POC5: variants seen among roughly 807,000 people sequenced by gnomAD.
The protein encoded by POC5 is POC5 centriolar protein.
POC5 carries 48 observed loss-of-function variants against 62.9 expected under a neutral mutation model. The ratio of observed to expected loss-of-function variants is 0.76; its 90% CI spans 0.61 to 0.97. The LOEUF (loss-of-function observed/expected upper bound fraction) is 0.97, where lower values mean the gene tolerates loss of function less well. POC5 is among the 50% of genes least tolerant of loss of function. The pLI, the probability that POC5 is intolerant of heterozygous loss-of-function variation, is 0.00. For missense variants in POC5, 696 were observed against 679.5 expected, an observed-to-expected ratio of 1.02 and a Z score of -0.27; for synonymous variants, 236 against 228.2, an observed-to-expected ratio of 1.03 and a Z score of -0.31.
At chr5:75,714,445 G>T (rs1390582278) in intron 1 of POC5, among the ~76,000 whole-genome samples, 1 of 152,206 alleles carries the variant, frequency 6.6e-6, no homozygotes, top group Non-Finnish European at 1.5e-5. Flanking sequence ...TGTTCTCTTT[G>T]ATAGTAATTA....
chr5:75,686,870 T>G (rs1278308518), intron 9 of POC5, among the ~76,000 whole-genome samples: 2 of 152,102 alleles, frequency 1.3e-5, no homozygotes, highest in Non-Finnish European at 2.9e-5. Context: ...AACTTCTTCA[T>G]AAAAACCTCT....
At chr5:75,681,658 ATTATT>A (rs1476590349) in intron 10 of POC5, among the ~76,000 whole-genome samples, 1 of 150,868 alleles carries the variant, frequency 6.6e-6, no homozygotes, top group Non-Finnish European at 1.5e-5. Flanking sequence ...AAAATAAGAT[ATTATT>A]TTATTAGCAT....
chr5:75,708,585 A>G (rs1777217833), intron 2 of POC5, among the ~76,000 whole-genome samples: 1 of 152,142 alleles, frequency 6.6e-6, no homozygotes, highest in South Asian at 2.1e-4. Context: ...TTACCCCCCA[A>G]TTTCAAATGT....
At chr5:75,704,981 C>T (rs7721611) in intron 4 of POC5, among the ~76,000 whole-genome samples, 7,515 of 152,296 alleles carry the variant, frequency 0.049, 642 homozygotes, top group African/African-American at 0.17. Flanking sequence ...AAGTGGATCA[C>T]TTGATCTTAG....
chr5:75,694,056 T>C (rs757845812), intron 6 of POC5, among the ~76,000 whole-genome samples: 1 of 152,162 alleles, frequency 6.6e-6, no homozygotes, highest in East Asian at 1.9e-4. Flanking sequence ...GCACTTGCAG[T>C]CCCTGGCAGG....
Position 75,683,137 on chromosome 5 carries a change from A to G in POC5, c.1407+2070T>C, listed in dbSNP as rs147459693. ...ATGTAAGTGGTTAGGAGTTGGGGAG[A>G]AGAGGAAGACAAGCAAATCAGAATC... On this transcript the variant is annotated intron_variant, in intron 10 of 11. Coordinates refer to ENST00000428202, the MANE Select transcript of POC5 (RefSeq NM_001099271.2). Among the ~76,000 whole-genome samples the G allele has an allele frequency of 4.8e-3, 730 of 152,220 alleles. 7 individuals carry two copies. Among genetic ancestry groups the G allele is most frequent in the African/African-American group, 0.016 (645 of 41,536 alleles).
chr5:75,700,438 TG>T (rs1776820023), intron 5 of POC5, among the ~76,000 whole-genome samples: 1 of 152,024 alleles, frequency 6.6e-6, no homozygotes, highest in African/African-American at 2.4e-5. Context: ...ATCTGATCTT[TG>T]ACAAACCTGA....
At chr5:75,696,802 T>C (rs539215388) in intron 5 of POC5, among the ~76,000 whole-genome samples, 51 of 151,726 alleles carry the variant, frequency 3.4e-4, no homozygotes, top group Admixed American at 7.2e-4. Flanking sequence ...AGTTGAAAAC[T>C]TTGAAAAAAA....
intron 5 of POC5, among the ~76,000 whole-genome samples, chr5:75,699,943 A>C (rs1776794603): frequency 6.6e-6 from 1 of 151,980 alleles, no homozygotes; most frequent in Non-Finnish European, 1.5e-5. Context: ...CAGAGAGCCA[A>C]ATCATGAGTG....
Position 75,692,302 on chromosome 5 carries a change from T to G in POC5, c.795+94A>C. ...GGAACATTAAATCACAAATTCATTT[T>G]GACTTATTAGAAAACAACTATAATA... On this transcript the variant is annotated intron_variant, in intron 7 of 11. Transcript: ENST00000428202. 3 of 821,866 alleles carry G rather than the reference T, an allele frequency of 3.7e-6. No homozygotes were observed. In the Middle Eastern group the frequency reaches 7.5e-4, roughly 204 times the overall value. 50.9% of individuals were successfully genotyped at this position (821,866 alleles called of 1,614,324 possible).
intron 5 of POC5, among the ~76,000 whole-genome samples, chr5:75,697,505 TGA>T (rs1776658011): frequency 6.6e-6 from 1 of 151,880 alleles, no homozygotes; most frequent in Non-Finnish European, 1.5e-5. Context: ...CAAGCAAAGC[TGA>T]GAGATTTTGT....
chr5:75,694,324 CA>C (rs1207337473), intron 6 of POC5, among the ~76,000 whole-genome samples: 5 of 152,146 alleles, frequency 3.3e-5, no homozygotes, highest in Non-Finnish European at 7.4e-5. Flanking sequence ...AGTGTACTTA[CA>C]TTTAGCACAT....
In POC5 at chr5:75,703,780, T is replaced by C. The variant is rs571048794; in HGVS notation, c.308-970A>G. On this transcript the variant is annotated intron_variant, in intron 4 of 11. Transcript: ENST00000428202. ...ACATCTCTATATGTATGTGCATATA[T>C]ATAAAACGCTCATCCCCTGCCCATA... 3.7e-4 allele frequency among the ~76,000 whole-genome samples: 56 copies of C among 152,224 alleles called. No individual in the cohort carries two copies. In the South Asian group the frequency reaches 0.011, roughly 31 times the overall value.
intron 1 of POC5, among the ~76,000 whole-genome samples, chr5:75,714,326 G>A (rs1777465882): frequency 6.6e-6 from 1 of 152,098 alleles, no homozygotes; most frequent in Admixed American, 6.5e-5. Context: ...AGGCTGCAGT[G>A]AGCCAAGATC....
chr5:75,712,403 G>C (rs1365805700), intron 2 of POC5: 1 of 1,612,258 alleles, frequency 6.2e-7, no homozygotes, highest in Non-Finnish European at 8.5e-7. Context: ...TCAATGTCCA[G>C]GTCCTGGGCA....
intron 1 of POC5, among the ~76,000 whole-genome samples, chr5:75,715,034 C>T (rs749693847): frequency 2.0e-5 from 3 of 151,954 alleles, no homozygotes; most frequent in African/African-American, 4.8e-5. Context: ...CTGCCCAGGC[C>T]GGGCACGGTG....
At position 75,712,828 on chromosome 5, in the gene POC5, T is replaced by C. The variant is rs777286930; in HGVS notation, c.84+26A>G. 3.9e-6 allele frequency: 6 copies of C among 1,524,858 alleles called. No homozygotes were observed. The South Asian group carries it at 4.9e-5, about 12-fold the overall frequency. The allele number at this position is 1,524,858 out of a possible 1,614,324, so 94.5% of individuals were successfully genotyped here. ...CATTTGTTTAAAATAAAAAAAGTCA[T>C]GGTAAATTTAGAAATTTTTTCCTAC... On this transcript the variant is annotated intron_variant, in intron 2 of 11. Transcript: ENST00000428202.
At chr5:75,688,388 G>A (rs894599692) in intron 9 of POC5, among the ~76,000 whole-genome samples, 1 of 152,162 alleles carries the variant, frequency 6.6e-6, no homozygotes, top group Non-Finnish European at 1.5e-5. Flanking sequence ...GCCGAATGAG[G>A]AAAACAGGCC....
chr5:75,694,275 G>A (rs920199536), intron 6 of POC5, among the ~76,000 whole-genome samples: 8 of 152,094 alleles, frequency 5.3e-5, no homozygotes, highest in South Asian at 2.1e-4. Context: ...CTTCACGTTC[G>A]CTTAAGGTTA....
Sources: gnomAD v4.1 joint callset for allele counts (sites outside exome capture counted in the v4.1 genomes callset) on GRCh38, gnomAD v4.1.1 for gene constraint, MANE v1.5 for transcripts, NCBI Gene and HGNC (gene_info 2026-07-23, HGNC 2026-07-21) for gene names.